VPS53: variants seen among roughly 807,000 people sequenced by gnomAD.
VPS53 encodes VPS53 subunit of GARP complex.
Under a neutral mutation model 107.0 loss-of-function variants are expected in VPS53, and 70 were observed. The observed-to-expected ratio is 0.65, with a 90% CI of 0.54 to 0.80. VPS53 has a LOEUF of 0.80. Among genes scored for constraint, VPS53 ranks in the 30% least tolerant of loss-of-function variants. The pLI is 0.00. For synonymous variants in VPS53, 409 were observed against 393.3 expected (o/e 1.04, Z -0.47); for missense variants, 917 against 1,049.4 (o/e 0.87, Z 1.74).
chr17:653,733 T>G (rs1031005326), intron 6 of VPS53, among the ~76,000 whole-genome samples: 1 of 152,106 alleles, frequency 6.6e-6, no homozygotes, highest in Non-Finnish European at 1.5e-5. Context: ...TCATTTGGTG[T>G]GGGGAGGGGA....
intron 7 of VPS53, among the ~76,000 whole-genome samples, chr17:637,210 T>C (rs1442653148): frequency 6.6e-6 from 1 of 152,188 alleles, no homozygotes; most frequent in African/African-American, 2.4e-5. Context: ...TGCATAGGGG[T>C]GTTTATAGTA....
chr17:636,073 T>C (rs1037823120), intron 7 of VPS53, among the ~76,000 whole-genome samples: 5 of 152,216 alleles, frequency 3.3e-5, no homozygotes, highest in Non-Finnish European at 5.9e-5. Flanking sequence ...TTTATTTCAT[T>C]GAGCAGTGGT....
chr17:703,374 G>T (rs60021650), intron 2 of VPS53, among the ~76,000 whole-genome samples: 1 of 149,506 alleles, frequency 6.7e-6, no homozygotes, highest in Non-Finnish European at 1.5e-5. Flanking sequence ...TACCTCTAAC[G>T]CAATGATTCT....
chr17:657,639 T>C (rs2143550201), intron 5 of VPS53: 1 of 603,176 alleles, frequency 1.7e-6, no homozygotes, highest in Non-Finnish European at 3.0e-6. Context: ...GGTTCTGTGA[T>C]ACCTGGAAGG....
At chr17:599,161 C>T (rs1237811857) in intron 12 of VPS53, among the ~76,000 whole-genome samples, 1 of 150,134 alleles carries the variant, frequency 6.7e-6, no homozygotes, top group African/African-American at 2.4e-5. Context: ...CCAGCCGCCC[C>T]GCCCGGGAGG....
intron 4 of VPS53, among the ~76,000 whole-genome samples, chr17:669,607 A>AAAAACAAAAAAAAAAAAAC (rs1971852265): frequency 6.7e-6 from 1 of 149,692 alleles, no homozygotes; most frequent in Non-Finnish European, 1.5e-5. Context: ...AAAAAAAAAA[A>AAAAACAAAAAAAAAAAAAC]ATTAGGCCAG....
At chr17:618,854 C>T (rs1163417849) in intron 11 of VPS53, among the ~76,000 whole-genome samples, 1 of 150,684 alleles carries the variant, frequency 6.6e-6, no homozygotes, top group African/African-American at 2.5e-5. Flanking sequence ...ACCACACCTG[C>T]TAATATTTCC....
intron 17 of VPS53, among the ~76,000 whole-genome samples, chr17:546,734 C>A (rs1911227337): frequency 6.6e-6 from 1 of 152,110 alleles, no homozygotes; most frequent in Non-Finnish European, 1.5e-5. Context: ...TGTGGAGAAA[C>A]TGGATTCCTT....
Position 628,491 on chromosome 17 carries a change from A to G in VPS53, c.688-260T>C, listed in dbSNP as rs138694537. ...ATATTTTGGGAAATGGGCAGTAATG[A>G]TCACGGGAAATTTGACTTTCTGCAA... On this transcript the variant is annotated intron_variant, in intron 8 of 21. Transcript: ENST00000437048. Among the ~76,000 whole-genome samples, 39 of 152,336 alleles carry G rather than the reference A, an allele frequency of 2.6e-4. No homozygotes were observed. In the East Asian group the frequency reaches 6.2e-3, roughly 24 times the overall value.
At chr17:618,345 G>C (rs12952812) in intron 11 of VPS53, among the ~76,000 whole-genome samples, 100 of 44,710 alleles carry the variant, frequency 2.2e-3, no homozygotes, top group Middle Eastern at 0.02. Flanking sequence ...GGACTACAGG[G>C]GTGCACCACC....
intron 17 of VPS53, among the ~76,000 whole-genome samples, chr17:548,484 CA>C (rs1911467730): frequency 8.8e-6 from 1 of 113,632 alleles, no homozygotes; most frequent in South Asian, 3.1e-4. Flanking sequence ...CTTCTGGAAT[CA>C]TCCAACAACT....
intron 12 of VPS53, among the ~76,000 whole-genome samples, chr17:596,361 T>C (rs1000714826): frequency 7.9e-5 from 12 of 152,184 alleles, no homozygotes; most frequent in African/African-American, 2.9e-4. Context: ...CTCATCTTGT[T>C]CAGTCTGCCA....
intron 5 of VPS53, among the ~76,000 whole-genome samples, chr17:660,386 C>CACCTCTTCCACCCTAACCCTA (rs1971393103): frequency 6.6e-6 from 1 of 152,216 alleles, no homozygotes; most frequent in African/African-American, 2.4e-5. Context: ...CCCTCACTCC[C>CACCTCTTCCACCCTAACCCTA]ACCTCTTCCT....
chr17:711,976 C>T (rs1973658787), intron 1 of VPS53, among the ~76,000 whole-genome samples: 1 of 152,014 alleles, frequency 6.6e-6, no homozygotes, highest in African/African-American at 2.4e-5. Flanking sequence ...GCCACCATAC[C>T]CGGCTTATTT....
chr17:595,147 A>G (rs577401323), intron 12 of VPS53, among the ~76,000 whole-genome samples: 70 of 105,120 alleles, frequency 6.7e-4, no homozygotes, highest in African/African-American at 1.9e-3. Context: ...GGTCTGGACC[A>G]ATTTCCTCGT....
intron 11 of VPS53, among the ~76,000 whole-genome samples, chr17:607,950 C>G (rs8081057): frequency 0.36 from 54,665 of 151,962 alleles, 11,903 homozygotes; most frequent in African/African-American, 0.61. Flanking sequence ...GAGGCCCTAG[C>G]TGGACACATC....
intron 4 of VPS53, among the ~76,000 whole-genome samples, chr17:678,535 C>T (rs1055252633): frequency 9.9e-5 from 15 of 151,716 alleles, no homozygotes; most frequent in Admixed American, 6.6e-4. Flanking sequence ...GGCACGATCT[C>T]GGCTCACTAC....
rs766616414 is a variant in VPS53, at chr17:553,410, T to C, written c.1757A>G (p.Asn586Ser). The change falls in exon 16 of 22, where the codon AAT becomes AGT. Residue 586 changes from asparagine to serine, a missense_variant. Coordinates refer to ENST00000437048, the MANE Select transcript of VPS53 (RefSeq NM_001128159.3). ...GAACGTGTCCATCTCTCCAGTCAGA[T>C]TGATTCGTTCAATCAGACTTACATC... is the stretch of plus-strand genomic sequence containing the variant. ...KVDVSLIERI[N>S]LTGEMDTFST... 22 of 1,614,102 alleles carry C rather than the reference T, an allele frequency of 1.4e-5. No homozygotes were observed. The highest frequency in any genetic ancestry group is 1.9e-5 in the Non-Finnish European group (22 of 1,180,032).
At chr17:673,696 G>A (rs750156556) in intron 4 of VPS53, 3 of 152,222 alleles carry the variant, frequency 2.0e-5, no homozygotes, top group Non-Finnish European at 4.4e-5. Context: ...TTAGGAACCT[G>A]GAGTATAAGA....
Sources: gnomAD v4.1 joint callset for allele counts (sites outside exome capture counted in the v4.1 genomes callset) on GRCh38, gnomAD v4.1.1 for gene constraint, MANE v1.5 for transcripts, NCBI Gene and HGNC (gene_info 2026-07-23, HGNC 2026-07-21) for gene names.